CD101: variants seen among roughly 807,000 people sequenced by gnomAD.
CD101 encodes the protein CD101 molecule, also known as immunoglobulin superfamily member 2.
In CD101, 76 loss-of-function variants were observed where a neutral mutation model predicts 98.2. The observed-to-expected ratio is 0.77, with a 90% confidence interval of 0.64 to 0.94. CD101 has a LOEUF of 0.94. Among genes scored for constraint, CD101 ranks in the 40% least tolerant of loss-of-function variants. The pLI is 0.00. For synonymous variants in CD101, 471 were observed against 472.7 expected, an observed-to-expected ratio of 1.00 and a Z score of 0.05; for missense variants, 1,145 against 1,218.8, an observed-to-expected ratio of 0.94 and a Z score of 0.90.
In CD101 at chr1:117,021,792, A is replaced by T; in HGVS notation, c.2237A>T (p.Gln746Leu). The T allele has an allele frequency of 2.5e-6, 4 of 1,614,210 alleles. No homozygotes were observed. Among genetic ancestry groups the T allele is most frequent in the Non-Finnish European group, 3.4e-6 (4 of 1,180,022 alleles). ...IKTGDEFHTP[Q>L]RKQKFHTEKV... ...ACTGGGGATGAGTTTCACACCCCAC[A>T]GAGAAAACAAAAATTTCATACTGAG... The change falls in exon 7 of 10, where the codon CAG becomes CTG. Residue 746 changes from glutamine (Q) to leucine (L), a missense_variant. Transcript: ENST00000682167. This position sits in a 1 kb window ranked among gnomAD's most constrained non-coding sequence, Gnocchi z 4.7.
intron 9 of CD101, among the ~76,000 whole-genome samples, chr1:117,034,791 C>CA (rs1026835554): frequency 2.0e-5 from 3 of 152,142 alleles, no homozygotes; most frequent in Admixed American, 6.5e-5. Context: ...AATTGCTGAG[C>CA]AAAAACTTTG....
chr1:117,021,504 C>T lies in CD101; in HGVS notation c.2018-69C>T. The T allele has an allele frequency of 1.5e-6, 2 of 1,352,506 alleles. No individual in the cohort carries two copies. The highest frequency in any genetic ancestry group is 9.9e-7 in the Non-Finnish European group (1 of 1,008,342). 83.8% of individuals were successfully genotyped at this position (1,352,506 alleles called of 1,614,324 possible). ...GGGAGGATGCAGTGTCATACTTGACCTCTAATGTCTCTACTACCTTAACTT... is the reference window on the plus strand; with the variant it reads ...GGGAGGATGCAGTGTCATACTTGACTTCTAATGTCTCTACTACCTTAACTT... On this transcript the variant is annotated intron_variant, in intron 6 of 9. Transcript: ENST00000682167. The surrounding 1 kb of genome is among the most constrained non-coding windows in gnomAD (Gnocchi z 4.7).
chr1:117,012,565 T>A lies in CD101; in HGVS notation c.841+599T>A, dbSNP rs979159425. Among the ~76,000 whole-genome samples, 1 of 152,224 alleles carries A rather than the reference T, an allele frequency of 6.6e-6. No individual in the cohort carries two copies. Among genetic ancestry groups the A allele is most frequent in the East Asian group, 1.9e-4 (1 of 5,198 alleles). The stretch of plus-strand genomic sequence containing the variant: ...GAATGCAGTGACTTTGCTTTTTTAT[T>A]ATTTTTTTAATTTTTAAATTTTTTT... On this transcript the variant is annotated intron_variant, in intron 3 of 9. Transcript: ENST00000682167. This position sits in a 1 kb window ranked among gnomAD's most constrained non-coding sequence, Gnocchi z 4.0.
chr1:117,003,207 G>T (rs116070700), intron 1 of CD101, among the ~76,000 whole-genome samples: 1 of 152,184 alleles, frequency 6.6e-6, no homozygotes. Flanking sequence ...GCAGGGACCC[G>T]AATGGCTGGG....
At chr1:117,009,315 G>A (rs1652735413) in intron 1 of CD101, among the ~76,000 whole-genome samples, 1 of 152,222 alleles carries the variant, frequency 6.6e-6, no homozygotes, top group Non-Finnish European at 1.5e-5. Context: ...TGCCTCGTCA[G>A]ATGCTAATGT....
In CD101 at chr1:117,021,962, G is replaced by T; in HGVS notation, c.2407G>T (p.Glu803Ter). Residue 803 changes from glutamate to a stop codon, truncating the protein, a stop_gained, in exon 7 of 10, where the codon GAA becomes TAA. Coordinates refer to ENST00000682167, the MANE Select transcript of CD101 (RefSeq NM_001256106.3). LOFTEE classifies it high-confidence loss of function. This position sits in a 1 kb window ranked among gnomAD's most constrained non-coding sequence, Gnocchi z 4.7. ...TGGAGAAAAGAAGTCAGGACTAACAGAATTGAAACTCAAGCCCACAGGTAA... is the reference window on the plus strand; with the variant it reads ...TGGAGAAAAGAAGTCAGGACTAACATAATTGAAACTCAAGCCCACAGGTAA... ...KLGEKKSGLT[E>*]LKLKPTGSKV... is the part of the protein sequence containing the mutation. 6.2e-7 allele frequency: 1 copy of T among 1,608,022 alleles called. No homozygotes were observed. Among genetic ancestry groups the T allele is most frequent in the Non-Finnish European group, 8.5e-7 (1 of 1,177,810 alleles).
Position 117,010,253 on chromosome 1 carries a change from C to T in CD101, c.424+23C>T, listed in dbSNP as rs371920628. On this transcript the variant is annotated intron_variant, in intron 2 of 9. Coordinates refer to ENST00000682167, the MANE Select transcript of CD101 (RefSeq NM_001256106.3). The surrounding 1 kb of genome is among the most constrained non-coding windows in gnomAD (Gnocchi z 5.2). ...TTGGTAAGTTGCTTGTCCACTTCTG[C>T]TAGCCAGCCCCTGAGAAGCCAGAGT... is the stretch of plus-strand genomic sequence containing the variant. 12 of 1,584,720 alleles carry T rather than the reference C, an allele frequency of 7.6e-6. No individual in the cohort carries two copies. The South Asian group carries it at 1.4e-4, about 18-fold the overall frequency.
At position 117,022,110 on chromosome 1, in the gene CD101, C is replaced by T. The variant is rs991175773; in HGVS notation, c.2428+127C>T. The T allele has an allele frequency of 1.9e-6, 2 of 1,048,648 alleles. No homozygotes were observed. The highest frequency in any genetic ancestry group is 2.8e-5 in the Admixed American group (1 of 36,150). 65.0% of individuals were successfully genotyped at this position (1,048,648 alleles called of 1,614,324 possible). A position where few individuals can be genotyped will look rare whatever the true frequency, so the allele number is the denominator to read the frequency against. On this transcript the variant is annotated intron_variant, in intron 7 of 9. Transcript: ENST00000682167. The surrounding 1 kb of genome is among the most constrained non-coding windows in gnomAD (Gnocchi z 4.8). ...CCTAAAGTCATAGGAACAGTATCTA[C>T]CTACACATGACTGCAAGACCGAGTA...
In CD101 at chr1:117,025,610, A is replaced by G. The variant is rs1275641226; in HGVS notation, c.2530A>G (p.Thr844Ala). 6.2e-7 allele frequency: 1 copy of G among 1,614,012 alleles called. No homozygotes were observed. The highest frequency in any genetic ancestry group is 1.7e-5 in the Admixed American group (1 of 60,028). ...CCTGGAGAGTGTAGGCAGCTCAGCC[A>G]CTCTGTACTCTGTGATGTGGTACTG... The part of the protein sequence containing the change: ...CSLESVGSSA[T>A]LYSVMWYWNR... The change falls in exon 8 of 10, where the codon ACT becomes GCT. Residue 844 changes from threonine to alanine, a missense_variant. Transcript: ENST00000682167.
At chr1:117,015,062 C>T (rs1301768677) in intron 4 of CD101, among the ~76,000 whole-genome samples, 1 of 152,134 alleles carries the variant, frequency 6.6e-6, no homozygotes, top group Admixed American at 6.5e-5. Flanking sequence ...AGCTGATAAT[C>T]CTATCAATAG....
chr1:117,011,332 T>C (rs1464681864), intron 2 of CD101, among the ~76,000 whole-genome samples: 5 of 152,174 alleles, frequency 3.3e-5, no homozygotes, highest in African/African-American at 4.8e-5. Context: ...GGTCAACACA[T>C]TGATGAGGCA....
intron 9 of CD101, among the ~76,000 whole-genome samples, chr1:117,035,726 G>A (rs538313136): frequency 6.6e-6 from 1 of 151,622 alleles, no homozygotes; most frequent in South Asian, 2.1e-4. Flanking sequence ...ATTTTTTTTT[G>A]TATTTTTAGT....
intron 8 of CD101, among the ~76,000 whole-genome samples, chr1:117,030,439 G>C (rs1012186509): frequency 3.3e-4 from 49 of 149,452 alleles, no homozygotes; most frequent in African/African-American, 1.2e-3. Flanking sequence ...GAGAAAGAAA[G>C]AAAGAGAAAG....
In CD101 at chr1:117,019,507, C is replaced by G. The variant is rs894564785; in HGVS notation, c.2017+947C>G. On this transcript the variant is annotated intron_variant, in intron 6 of 9. Transcript: ENST00000682167. This position sits in a 1 kb window ranked among gnomAD's most constrained non-coding sequence, Gnocchi z 4.3. ...CTGTCTTCTTGAAACTTCTTTTTTCCTTGGCACCATGACACAAGATTTTCA... is the reference window on the plus strand; with the variant it reads ...CTGTCTTCTTGAAACTTCTTTTTTCGTTGGCACCATGACACAAGATTTTCA... 3.3e-5 allele frequency among the ~76,000 whole-genome samples: 5 copies of G among 152,020 alleles called. No individual in the cohort carries two copies. Among genetic ancestry groups the G allele is most frequent in the Non-Finnish European group, 7.4e-5 (5 of 68,000 alleles).
chr1:117,028,606 A>C (rs1654115804), intron 8 of CD101, among the ~76,000 whole-genome samples: 1 of 152,192 alleles, frequency 6.6e-6, no homozygotes, highest in South Asian at 2.1e-4. Flanking sequence ...GCCATTTCTC[A>C]GGGAGTGGAG....
chr1:117,019,258 G>T lies in CD101; in HGVS notation c.2017+698G>T, dbSNP rs777487970. On this transcript the variant is annotated intron_variant, in intron 6 of 9. Transcript: ENST00000682167. The surrounding 1 kb of genome is among the most constrained non-coding windows in gnomAD (Gnocchi z 4.3). ...TGGATGAGACACTTAATCTGCTGAA[G>T]CCTTAGTTACCTGATCTGTAAATTG... is the stretch of plus-strand genomic sequence containing the variant. Among the ~76,000 whole-genome samples, 1 of 152,180 alleles carries T rather than the reference G, an allele frequency of 6.6e-6. No homozygotes were observed. Among genetic ancestry groups the T allele is most frequent in the African/African-American group, 2.4e-5 (1 of 41,438 alleles).
Position 117,021,802 on chromosome 1 carries a change from A to G in CD101, c.2247A>G (p.Gln749=). 6.2e-7 allele frequency: 1 copy of G among 1,614,216 alleles called. No homozygotes were observed. The highest frequency in any genetic ancestry group is 8.5e-7 in the Non-Finnish European group (1 of 1,180,034). The part of the protein sequence containing the change: ...GDEFHTPQRK[Q]KFHTEKVSQD... ...AGTTTCACACCCCACAGAGAAAACA[A>G]AAATTTCATACTGAGAAGGTTTCCC... Residue 749 remains glutamine (Q), a synonymous_variant, in exon 7 of 10, where the codon CAA becomes CAG. Transcript: ENST00000682167. This position sits in a 1 kb window ranked among gnomAD's most constrained non-coding sequence, Gnocchi z 4.7.
Position 117,010,391 on chromosome 1 carries a change from A to G in CD101, c.424+161A>G, listed in dbSNP as rs1192144179. Among the ~76,000 whole-genome samples, 1 of 152,048 alleles carries G rather than the reference A, an allele frequency of 6.6e-6. No individual in the cohort carries two copies. The highest frequency in any genetic ancestry group is 1.5e-5 in the Non-Finnish European group (1 of 67,984). On this transcript the variant is annotated intron_variant, in intron 2 of 9. Transcript: ENST00000682167. This position sits in a 1 kb window ranked among gnomAD's most constrained non-coding sequence, Gnocchi z 5.2. ...TTTTGGAGATATGTCACAAGTGGGT[A>G]TCTCATATTCTCTAAAATTATCTGT...
Position 117,021,450 on chromosome 1 carries a change from C to A in CD101, c.2018-123C>A. 1.3e-6 allele frequency: 1 copy of A among 757,524 alleles called. No individual in the cohort carries two copies. 46.9% of individuals were successfully genotyped at this position (757,524 alleles called of 1,614,324 possible). ...GCTGTATGAGCAGTGAGTGGGGCTA[C>A]TGTAGAGGGAGTTCACCCATATGAT... is the stretch of plus-strand genomic sequence containing the variant. On this transcript the variant is annotated intron_variant, in intron 6 of 9. Coordinates refer to ENST00000682167, the MANE Select transcript of CD101 (RefSeq NM_001256106.3). This position sits in a 1 kb window ranked among gnomAD's most constrained non-coding sequence, Gnocchi z 4.7.
Sources: gnomAD v4.1 joint callset for allele counts (sites outside exome capture counted in the v4.1 genomes callset) on GRCh38, gnomAD v4.1.1 for gene constraint, Gnocchi (gnomAD v3.1) non-coding constraint, MANE v1.5 for transcripts, NCBI Gene and HGNC (gene_info 2026-07-23, HGNC 2026-07-21) for gene names.